Variants in EDARADD observed in about 807,000 individuals in gnomAD.
The protein encoded by EDARADD is ectodysplasin-A receptor-associated adapter protein.
Under a neutral mutation model 25.6 loss-of-function variants are expected in EDARADD, and 20 were observed. That is an observed-to-expected ratio of 0.78 (90% CI 0.55 to 1.14). The LOEUF (loss-of-function observed/expected upper bound fraction) is 1.14, where lower values mean the gene tolerates loss of function less well. EDARADD is among the 50% of genes most tolerant of loss of function. The pLI is 0.00. For synonymous variants in EDARADD, 86 were observed against 94.4 expected, an observed-to-expected ratio of 0.91 and a Z score of 0.52; for missense variants, 225 against 270.1, an observed-to-expected ratio of 0.83 and a Z score of 1.17.
At chr1:236,468,305 G>A in intron 5 of EDARADD, 29 bp downstream of exon 5, 1 of 1,605,058 alleles carries the variant, frequency 6.2e-7, no homozygotes, top group Non-Finnish European at 8.5e-7. Flanking sequence ...AGCTATCTGG[G>A]CTAATAGCTA....
chr1:236,467,717 C>A (rs1659251482), intron 4 of EDARADD, among the ~76,000 whole-genome samples: 1 of 151,578 alleles, frequency 6.6e-6, no homozygotes. Flanking sequence ...AGGAAGATAA[C>A]CCATAATGTA....
At position 236,414,284 on chromosome 1, in the gene EDARADD, ACG is replaced by A. The variant is rs1349241967; in HGVS notation, c.146_147del (p.Thr49ArgfsTer4). 6.2e-7 allele frequency: 1 copy of A among 1,610,796 alleles called. No homozygotes were observed. The highest frequency in any genetic ancestry group is 8.5e-7 in the Non-Finnish European group (1 of 1,177,214). On this transcript the variant is annotated frameshift_variant, in exon 3 of 6. Transcript: ENST00000334232. LOFTEE classifies it high-confidence loss of function. ...GTCAGACAAATATCCCATTCAAGATACGGAACTCCCTAAAGGTATGTACAGTT... is the reference window on the plus strand; with the variant it reads ...GTCAGACAAATATCCCATTCAAGATAGAACTCCCTAAAGGTATGTACAGTT... ...NMSDKYPIQD[T>X]ELPKAEECDT... is the part of the protein sequence containing the mutation.
chr1:236,404,342 C>G (rs80325342), intron 1 of EDARADD, among the ~76,000 whole-genome samples: 1 of 152,172 alleles, frequency 6.6e-6, no homozygotes, highest in East Asian at 1.9e-4. Flanking sequence ...AGGATCTGCT[C>G]TCCTCCAAAT....
At chr1:236,374,594 G>T (rs962290641) in intron 3 of EDARADD, among the ~76,000 whole-genome samples, 4 of 152,010 alleles carry the variant, frequency 2.6e-5, no homozygotes, top group African/African-American at 9.7e-5. Context: ...TTGTTGTTAG[G>T]TGCATACACA....
intron 3 of EDARADD, among the ~76,000 whole-genome samples, chr1:236,362,035 G>A (rs1667057541): frequency 6.6e-6 from 1 of 151,900 alleles, no homozygotes; most frequent in South Asian, 2.1e-4. Flanking sequence ...AGCAGAATAG[G>A]AGAGTCCCAG....
intron 3 of EDARADD, among the ~76,000 whole-genome samples, chr1:236,378,552 G>A (rs1667253227): frequency 6.6e-6 from 1 of 152,186 alleles, no homozygotes; most frequent in Admixed American, 6.5e-5. Context: ...TCTGACAAAT[G>A]TAAGAAGAGT....
chr1:236,409,085 A>ATG, intron 1 of EDARADD, 131 bp from the exon 2 acceptor site: 4 of 507,374 alleles, frequency 7.9e-6, no homozygotes, highest in South Asian at 4.2e-5. Context: ...AAAAAAAAAA[A>ATG]AAGGAGTAAG....
In EDARADD at chr1:236,409,221, A is replaced by G. The variant is rs1329003809; in HGVS notation, c.67A>G (p.Met23Val). The G allele has an allele frequency of 1.2e-6, 2 of 1,612,168 alleles. No homozygotes were observed. Among genetic ancestry groups the G allele is most frequent in the Non-Finnish European group, 8.5e-7 (1 of 1,179,200 alleles). Residue 23 changes from methionine (M) to valine (V), a missense_variant, in exon 2 of 6, where the codon ATG (methionine) becomes GTG (valine). Transcript: ENST00000334232. ...TGTTTTTGTTCTTTTTACAGATCATATGGTAAAGGAACCAGTGGAAGACAC... is the reference window on the plus strand; with the variant it reads ...TGTTTTTGTTCTTTTTACAGATCATGTGGTAAAGGAACCAGTGGAAGACAC... ...TKAPGHQEDHMVKEPVEDTDP... is the reference protein window; with the variant it reads ...TKAPGHQEDHVVKEPVEDTDP...
chr1:236,438,634 C>T (rs1289623918), intron 4 of EDARADD, among the ~76,000 whole-genome samples: 5 of 152,180 alleles, frequency 3.3e-5, no homozygotes, highest in Admixed American at 3.3e-4. Flanking sequence ...TTCCCACTCC[C>T]TGCAAATCAT....
chr1:236,475,563 G>A (rs959830150), intron 5 of EDARADD, among the ~76,000 whole-genome samples: 4 of 152,112 alleles, frequency 2.6e-5, no homozygotes, highest in Admixed American at 6.6e-5. Flanking sequence ...AGGAGTTTGA[G>A]ATCAGCCTGG....
chr1:236,481,594 C>T (rs1659671467), intron 5 of EDARADD, among the ~76,000 whole-genome samples: 1 of 102,926 alleles, frequency 9.7e-6, no homozygotes, highest in Non-Finnish European at 2.1e-5. Context: ...GAAACCCCAC[C>T]TCTACCAAAA....
chr1:236,417,232 A>G (rs1236638862), intron 3 of EDARADD, among the ~76,000 whole-genome samples: 1 of 152,258 alleles, frequency 6.6e-6, no homozygotes, highest in Admixed American at 6.5e-5. Flanking sequence ...TTAATTCTAT[A>G]AAGGAAAGAC....
At chr1:236,382,593 T>A (rs6673040) in intron 3 of EDARADD, among the ~76,000 whole-genome samples, 2 of 152,070 alleles carry the variant, frequency 1.3e-5, no homozygotes, top group Non-Finnish European at 2.9e-5. Context: ...ACCTCCTCTT[T>A]AGCTTTGTCC....
intron 4 of EDARADD, among the ~76,000 whole-genome samples, chr1:236,454,661 CT>C (rs1658806483): frequency 6.6e-6 from 1 of 152,194 alleles, no homozygotes; most frequent in African/African-American, 2.4e-5. Context: ...AGCCTCCTTG[CT>C]TTACAGATGA....
chr1:236,390,129 T>C (rs1056139317), upstream of EDARADD, among the ~76,000 whole-genome samples: 10 of 152,298 alleles, frequency 6.6e-5, no homozygotes, highest in Non-Finnish European at 1.5e-4. Flanking sequence ...TGCAAAGGCA[T>C]AAGAATGATA....
intron 3 of EDARADD, among the ~76,000 whole-genome samples, chr1:236,372,020 G>A (rs1477727808): frequency 6.6e-6 from 1 of 151,968 alleles, no homozygotes; most frequent in African/African-American, 2.4e-5. Flanking sequence ...GCAGTGGTGC[G>A]ATCTCGGCTC....
intron 4 of EDARADD, among the ~76,000 whole-genome samples, chr1:236,465,408 A>G (rs1659160928): frequency 6.6e-6 from 1 of 151,928 alleles, no homozygotes; most frequent in Non-Finnish European, 1.5e-5. Flanking sequence ...TTCCAGCCCG[A>G]TTTCTGAATC....
In EDARADD at chr1:236,470,692, G is replaced by C. The variant is rs1659336944; in HGVS notation, c.265+2416G>C. Among the ~76,000 whole-genome samples the C allele has an allele frequency of 2.0e-5, 3 of 152,052 alleles. 1 individual carries two copies. Among genetic ancestry groups the C allele is most frequent in the African/African-American group, 7.2e-5 (3 of 41,402 alleles). On this transcript the variant is annotated intron_variant, in intron 5 of 5. Coordinates refer to ENST00000334232, the MANE Select transcript of EDARADD (RefSeq NM_145861.4). Reference sequence around the variant, plus strand: ...GAGATCTCGGCTCACTGCAACCTCTGCCTCCTGGGTTCAAGCAGCTCTCCT... The same window carrying C: ...GAGATCTCGGCTCACTGCAACCTCTCCCTCCTGGGTTCAAGCAGCTCTCCT...
intron 3 of EDARADD, among the ~76,000 whole-genome samples, chr1:236,364,814 A>T (rs2102992228): frequency 6.6e-6 from 1 of 152,342 alleles, no homozygotes; most frequent in South Asian, 2.1e-4. Context: ...TTTTCTACAT[A>T]GATATCATGA....
Sources: allele counts gnomAD v4.1 joint callset (sites outside exome capture counted in the v4.1 genomes callset), GRCh38; gene constraint gnomAD v4.1.1; transcripts MANE v1.5; gene names NCBI Gene and HGNC (gene_info 2026-07-23, HGNC 2026-07-21).